Variants in DYNC1I1 observed in about 807,000 individuals in gnomAD.
DYNC1I1 encodes dynein cytoplasmic 1 intermediate chain 1.
DYNC1I1 carries 43 observed loss-of-function variants against 86.6 expected under a neutral mutation model. The observed-to-expected ratio is 0.50, with a 90% confidence interval of 0.39 to 0.64. DYNC1I1 has a LOEUF of 0.64. Among genes scored for constraint, DYNC1I1 ranks in the 30% least tolerant of loss-of-function variants. The probability of loss-of-function intolerance (pLI) is 0.00; values close to 1 mark genes in which losing one functional copy is unlikely to be tolerated. For missense variants in DYNC1I1, 604 were observed against 788.8 expected (o/e 0.77, Z 2.81); for synonymous variants, 262 against 283.7 (o/e 0.92, Z 0.77).
intron 5 of DYNC1I1, among the ~76,000 whole-genome samples, chr7:95,860,443 A>G (rs1304821140): frequency 3.3e-5 from 5 of 152,238 alleles, no homozygotes; most frequent in Non-Finnish European, 7.3e-5. Flanking sequence ...CTATGGCAGC[A>G]TCTTTAATGT....
intron 1 of DYNC1I1, among the ~76,000 whole-genome samples, chr7:95,777,500 ACTTACGTGCT>A (rs1283433535): frequency 1.3e-5 from 2 of 152,210 alleles, no homozygotes. Context: ...TTACCAGATG[ACTTACGTGCT>A]CTTTAGTTTT....
chr7:96,040,634 T>A (rs941101688), intron 14 of DYNC1I1, among the ~76,000 whole-genome samples: 6 of 152,100 alleles, frequency 3.9e-5, no homozygotes, highest in Admixed American at 6.5e-5. Context: ...CATTAAGCAG[T>A]TTGATATGTG....
At chr7:95,921,783 G>A (rs1791617162) in intron 6 of DYNC1I1, among the ~76,000 whole-genome samples, 1 of 152,184 alleles carries the variant, frequency 6.6e-6, no homozygotes, top group Non-Finnish European at 1.5e-5. Context: ...ATATGGTTGT[G>A]AGCAGTGTGA....
At chr7:96,056,878 T>C (rs1789593876) in intron 14 of DYNC1I1, among the ~76,000 whole-genome samples, 1 of 152,196 alleles carries the variant, frequency 6.6e-6, no homozygotes, top group Non-Finnish European at 1.5e-5. Flanking sequence ...GTGACCTAAA[T>C]ACGGGATTGG....
downstream of DYNC1I1, among the ~76,000 whole-genome samples, chr7:96,099,671 T>C (rs1791097593): frequency 6.6e-6 from 1 of 152,146 alleles, no homozygotes; most frequent in South Asian, 2.1e-4. Context: ...TGTCATTACT[T>C]ATAAGGGCAC....
At chr7:96,090,250 G>GTTGTTT (rs1790801448) in intron 16 of DYNC1I1, among the ~76,000 whole-genome samples, 1 of 151,894 alleles carries the variant, frequency 6.6e-6, no homozygotes, top group Admixed American at 6.6e-5. Flanking sequence ...TGTTGTTGTT[G>GTTGTTT]TTGTTGTTTT....
chr7:95,978,715 C>T (rs751627830), intron 7 of DYNC1I1, among the ~76,000 whole-genome samples: 1 of 152,150 alleles, frequency 6.6e-6, no homozygotes, highest in African/African-American at 2.4e-5. Context: ...GTACTCACTT[C>T]AACACCTTGT....
chr7:96,106,958 G>A (rs1393397283), intron 16 of DYNC1I1, among the ~76,000 whole-genome samples: 1 of 151,648 alleles, frequency 6.6e-6, no homozygotes, highest in Non-Finnish European at 1.5e-5. Flanking sequence ...TTATTGAGAA[G>A]GTGATGTTAA....
chr7:95,906,444 A>T (rs1446389222), intron 6 of DYNC1I1, among the ~76,000 whole-genome samples: 1 of 152,036 alleles, frequency 6.6e-6, no homozygotes, highest in Non-Finnish European at 1.5e-5. Flanking sequence ...TCCTTTTTTT[A>T]TACATCTGTG....
At chr7:95,795,522 G>A (rs560678772) in intron 1 of DYNC1I1, among the ~76,000 whole-genome samples, 7 of 152,296 alleles carry the variant, frequency 4.6e-5, no homozygotes, top group Non-Finnish European at 8.8e-5. Context: ...TAAAGAAAAT[G>A]TGGTATATGT....
chr7:96,037,874 T>C (rs1027002618), intron 13 of DYNC1I1, among the ~76,000 whole-genome samples: 2 of 152,282 alleles, frequency 1.3e-5, no homozygotes, highest in Middle Eastern at 3.4e-3. Flanking sequence ...ATTGGCTTTG[T>C]AGTCATTCTA....
At chr7:95,931,851 C>A (rs1473980645) in intron 6 of DYNC1I1, among the ~76,000 whole-genome samples, 1 of 152,174 alleles carries the variant, frequency 6.6e-6, no homozygotes, top group Non-Finnish European at 1.5e-5. Context: ...AATTAATATA[C>A]AGCTAAATGT....
At chr7:95,829,601 G>C (rs1404575836) in intron 5 of DYNC1I1, among the ~76,000 whole-genome samples, 1 of 152,126 alleles carries the variant, frequency 6.6e-6, no homozygotes, top group Non-Finnish European at 1.5e-5. Flanking sequence ...TTTTTAGACA[G>C]ATTGCAGCAG....
At chr7:96,076,957 G>A (rs998362248) in intron 15 of DYNC1I1, among the ~76,000 whole-genome samples, 1 of 152,034 alleles carries the variant, frequency 6.6e-6, no homozygotes, top group Non-Finnish European at 1.5e-5. Flanking sequence ...CAAAATTACT[G>A]AGTTGCTAAT....
At chr7:95,817,423 T>C (rs530910886) in intron 4 of DYNC1I1, among the ~76,000 whole-genome samples, 2 of 152,274 alleles carry the variant, frequency 1.3e-5, no homozygotes, top group Admixed American at 6.5e-5. Context: ...GTAGTTGATA[T>C]GAGTGATACA....
rs1323907622 is a variant in DYNC1I1, at chr7:95,927,674, TG to T, written c.491-49833del. Among the ~76,000 whole-genome samples the T allele has an allele frequency of 3.3e-5, 5 of 151,936 alleles. No individual in the cohort carries two copies. The East Asian group carries it at 9.7e-4, about 29-fold the overall frequency. On this transcript the variant is annotated intron_variant, in intron 6 of 16. Coordinates refer to ENST00000447467, the MANE Select transcript of DYNC1I1 (RefSeq NM_001135556.2). ...ATGAAACATTAACAATAGTTGAGTG[TG>T]GGGGTAAAGGGCATACAGACACTCT...
At chr7:96,084,897 A>T (rs1312425744) in intron 16 of DYNC1I1, among the ~76,000 whole-genome samples, 2 of 152,184 alleles carry the variant, frequency 1.3e-5, no homozygotes, top group Non-Finnish European at 2.9e-5. Context: ...TAATAATATA[A>T]TTTGGGGAAA....
chr7:96,035,283 C>A (rs902917616), intron 12 of DYNC1I1, among the ~76,000 whole-genome samples: 2 of 152,186 alleles, frequency 1.3e-5, no homozygotes, highest in African/African-American at 4.8e-5. Context: ...TTTGTAAATA[C>A]AAGGGTATTG....
intron 9 of DYNC1I1, among the ~76,000 whole-genome samples, chr7:95,993,776 GA>G (rs1056732449): frequency 1.3e-5 from 2 of 151,308 alleles, no homozygotes; most frequent in Admixed American, 6.6e-5. Context: ...ATTTTTAATA[GA>G]AAAAAAAGAT....
Sources: gnomAD v4.1 joint callset for allele counts (sites outside exome capture counted in the v4.1 genomes callset) on GRCh38, gnomAD v4.1.1 for gene constraint, MANE v1.5 for transcripts, NCBI Gene and HGNC (gene_info 2026-07-23, HGNC 2026-07-21) for gene names.